The following SPTBN1 variants were observed in gnomAD, a reference collection of about 807,000 sequenced individuals.
SPTBN1 encodes the protein spectrin beta, non-erythrocytic 1.
SPTBN1 carries 32 observed loss-of-function variants against 266.4 expected under a neutral mutation model. The ratio of observed to expected loss-of-function variants is 0.12; its 90% CI spans 0.09 to 0.16. SPTBN1 has a LOEUF of 0.16. Ranked by LOEUF, SPTBN1 falls within the 10% of genes least tolerant of loss-of-function variation. SPTBN1 has a pLI of 1.00. For missense variants in SPTBN1, 2,296 were observed against 3,067.1 expected (o/e 0.75, Z 5.94); for synonymous variants, 1,336 against 1,162.2 (o/e 1.15, Z -3.04).
chr2:54,467,456 G>C (rs111927637), intron 1 of SPTBN1, among the ~76,000 whole-genome samples: 9,734 of 152,208 alleles, frequency 0.064, 540 homozygotes, highest in Admixed American at 0.13. Flanking sequence ...GTGCGATGGC[G>C]CGATCTCGGC....
intron 3 of SPTBN1, among the ~76,000 whole-genome samples, chr2:54,609,394 G>A (rs1005023958): frequency 2.6e-5 from 4 of 152,238 alleles, no homozygotes; most frequent in Admixed American, 6.5e-5. Context: ...TAAATTCTGT[G>A]AAGTCCTGTG....
intron 1 of SPTBN1, among the ~76,000 whole-genome samples, chr2:54,492,113 C>T (rs1293888558): frequency 6.6e-6 from 1 of 152,130 alleles, no homozygotes; most frequent in African/African-American, 2.4e-5. Flanking sequence ...GAGAGTAATA[C>T]ATTAAAGAAT....
In SPTBN1 at chr2:54,670,464, AAC is replaced by A. The variant is rs973538237; in HGVS notation, c.*1896_*1897del. 1.6e-5 allele frequency: 6 copies of A among 381,326 alleles called. No individual in the cohort carries two copies. Among genetic ancestry groups the A allele is most frequent in the African/African-American group, 1.2e-4 (6 of 48,346 alleles). The allele number at this position is 381,326 out of a possible 1,614,324, so 23.6% of individuals were successfully genotyped here. A position where few individuals can be genotyped will look rare whatever the true frequency, so the allele number is the denominator to read the frequency against. On this transcript the variant is annotated 3_prime_UTR_variant, in exon 36 of 36. Coordinates refer to ENST00000356805, the MANE Select transcript of SPTBN1 (RefSeq NM_003128.3). ...CTGCGTGGCATCAAAGCTTTCTCTT[AAC>A]TCTCTTACCTCTAGGCAAACTGAGA...
chr2:54,600,806 A>C (rs2103700312), intron 3 of SPTBN1, among the ~76,000 whole-genome samples: 1 of 150,606 alleles, frequency 6.6e-6, no homozygotes, highest in South Asian at 2.1e-4. Flanking sequence ...GTTAGTCTGA[A>C]CATTTATTTT....
intron 2 of SPTBN1, among the ~76,000 whole-genome samples, chr2:54,552,235 A>G (rs923556634): frequency 2.0e-5 from 3 of 152,162 alleles, no homozygotes; most frequent in Admixed American, 6.5e-5. Flanking sequence ...TAATTTTTGA[A>G]ATTTCTCCTA....
At chr2:54,647,714 G>A (rs925753490) in intron 24 of SPTBN1, among the ~76,000 whole-genome samples, 1 of 152,140 alleles carries the variant, frequency 6.6e-6, no homozygotes, top group African/African-American at 2.4e-5. Flanking sequence ...GGTGGCACAC[G>A]TCTGTACTAC....
chr2:54,610,207 CTG>C (rs1292301059), intron 3 of SPTBN1, among the ~76,000 whole-genome samples: 1 of 152,202 alleles, frequency 6.6e-6, no homozygotes, highest in Non-Finnish European at 1.5e-5. Flanking sequence ...ACTGGGAGCT[CTG>C]TGAACCTTTC....
intron 1 of SPTBN1, among the ~76,000 whole-genome samples, chr2:54,493,001 CTTTT>C (rs70944171): frequency 1.7e-4 from 19 of 112,892 alleles, no homozygotes; most frequent in East Asian, 7.7e-4. Context: ...AATAACATAT[CTTTT>C]TTTTTTTTTT....
intron 1 of SPTBN1, among the ~76,000 whole-genome samples, chr2:54,498,759 G>C (rs1277313188): frequency 6.6e-6 from 1 of 152,126 alleles, no homozygotes; most frequent in Non-Finnish European, 1.5e-5. Flanking sequence ...GGGGAAAGCA[G>C]AAAAGTCATT....
chr2:54,520,767 G>A (rs1027204182), intron 1 of SPTBN1, among the ~76,000 whole-genome samples: 2 of 149,960 alleles, frequency 1.3e-5, no homozygotes, highest in Non-Finnish European at 2.9e-5. Context: ...CTTGTCACAC[G>A]CAGGGTATTA....
At chr2:54,625,886 C>A in intron 11 of SPTBN1, 46 bp from the exon 12 acceptor site, 1 of 1,577,702 alleles carries the variant, frequency 6.3e-7, no homozygotes, top group East Asian at 2.3e-5. Flanking sequence ...CTACTGTGCC[C>A]GGGTGGATTT....
chr2:54,518,056 T>C (rs182195367), intron 1 of SPTBN1, among the ~76,000 whole-genome samples: 9 of 152,158 alleles, frequency 5.9e-5, no homozygotes, highest in Non-Finnish European at 8.8e-5. Context: ...TTGTGACTTT[T>C]CTTGTGTTGT....
At chr2:54,557,698 A>G in intron 2 of SPTBN1, 2 of 984,734 alleles carry the variant, frequency 2.0e-6, no homozygotes, top group Non-Finnish European at 2.4e-6. Flanking sequence ...ATGCCTTGCA[A>G]ATCGGTGCTC....
At position 54,632,772 on chromosome 2, in the gene SPTBN1, C is replaced by T. The variant is rs775893234; in HGVS notation, c.3767+4C>T. Reference sequence around the variant, plus strand: ...AGGTGGACTCTATTGATGACAGGTACAGTTTTCTGAGGTTCTTAAGGGAGC... The same window carrying T: ...AGGTGGACTCTATTGATGACAGGTATAGTTTTCTGAGGTTCTTAAGGGAGC... On this transcript the variant is annotated splice_donor_region_variant and intron_variant, in intron 17 of 35. Transcript: ENST00000356805. 2.5e-6 allele frequency: 4 copies of T among 1,613,992 alleles called. No homozygotes were observed. Among genetic ancestry groups the T allele is most frequent in the Non-Finnish European group, 3.4e-6 (4 of 1,179,972 alleles).
At chr2:54,496,411 C>T (rs546452203) in intron 1 of SPTBN1, among the ~76,000 whole-genome samples, 23 of 140,004 alleles carry the variant, frequency 1.6e-4, no homozygotes, top group Admixed American at 1.2e-3. Flanking sequence ...GCACTCCAGC[C>T]TGGGCGACAG....
intron 2 of SPTBN1, among the ~76,000 whole-genome samples, chr2:54,564,033 G>T (rs1471745711): frequency 2.0e-5 from 3 of 152,190 alleles, no homozygotes; most frequent in Non-Finnish European, 4.4e-5. Context: ...GTTAGATGTG[G>T]ATCATGGCGC....
chr2:54,604,282 T>C (rs548575109), intron 3 of SPTBN1, among the ~76,000 whole-genome samples: 2 of 152,260 alleles, frequency 1.3e-5, no homozygotes, highest in Admixed American at 6.5e-5. Context: ...CAAAACACCC[T>C]GCCAGAAACC....
intron 1 of SPTBN1, among the ~76,000 whole-genome samples, chr2:54,488,969 A>C (rs1449757423): frequency 6.6e-6 from 1 of 152,098 alleles, no homozygotes; most frequent in Non-Finnish European, 1.5e-5. Flanking sequence ...TAAGAAAAAT[A>C]ACTTTTAATG....
intron 2 of SPTBN1, among the ~76,000 whole-genome samples, chr2:54,548,124 CA>C (rs1558827442): frequency 6.6e-6 from 1 of 152,172 alleles, no homozygotes; most frequent in African/African-American, 2.4e-5. Flanking sequence ...GCCAGGGCAA[CA>C]GAGCGAGGCT....
Sources: gnomAD v4.1 joint callset for allele counts (sites outside exome capture counted in the v4.1 genomes callset) on GRCh38, gnomAD v4.1.1 for gene constraint, MANE v1.5 for transcripts, NCBI Gene and HGNC (gene_info 2026-07-23, HGNC 2026-07-21) for gene names.